The following GFRAL variants were observed in gnomAD, a reference collection of about 807,000 sequenced individuals.
GFRAL encodes the protein GDNF family receptor alpha like, also known as GDNF family receptor alpha-like.
Under a neutral mutation model 45.4 loss-of-function variants are expected in GFRAL, and 36 were observed. The ratio of observed to expected loss-of-function variants is 0.79; its 90% confidence interval spans 0.61 to 1.05. The LOEUF (loss-of-function observed/expected upper bound fraction) is 1.05. Ranked by LOEUF, GFRAL falls within the 50% of genes least tolerant of loss-of-function variation. The pLI, the probability that GFRAL is intolerant of heterozygous loss-of-function variation, is 0.00. For synonymous variants in GFRAL, 166 were observed against 154.1 expected, an observed-to-expected ratio of 1.08 and a Z score of -0.57; for missense variants, 507 against 467.5, an observed-to-expected ratio of 1.08 and a Z score of -0.78.
chr6:55,401,875 A>AT lies in GFRAL; in HGVS notation c.*23dup, dbSNP rs780545657. 5.1e-4 allele frequency: 650 copies of AT among 1,277,434 alleles called. 2 individuals are homozygous for AT. Among genetic ancestry groups the AT allele is most frequent in the Admixed American group, 7.2e-4 (42 of 58,244 alleles). The allele number at this position is 1,277,434 out of a possible 1,614,324, so 79.1% of individuals were successfully genotyped here. A position where few individuals can be genotyped will look rare whatever the true frequency, so the allele number is the denominator to read the frequency against. On this transcript the variant is annotated 3_prime_UTR_variant, in exon 9 of 9. Transcript: ENST00000340465. ...CTGATTCATTAGGAGTCATGGACCT[A>AT]TAACAATCACTCTTTTCTCTGCTTT...
intron 3 of GFRAL, among the ~76,000 whole-genome samples, chr6:55,341,582 GC>G (rs1767966063): frequency 6.6e-6 from 1 of 152,152 alleles, no homozygotes; most frequent in East Asian, 1.9e-4. Flanking sequence ...AAAAAACAGA[GC>G]AGAAAAGCTG....
chr6:55,356,264 A>G (rs1768193330), intron 5 of GFRAL, among the ~76,000 whole-genome samples: 1 of 151,714 alleles, frequency 6.6e-6, no homozygotes, highest in South Asian at 2.1e-4. Flanking sequence ...TCCCTCCTCT[A>G]TTGTTGGAAA....
At chr6:55,337,457 C>G (rs548268482) in intron 3 of GFRAL, among the ~76,000 whole-genome samples, 123 of 152,270 alleles carry the variant, frequency 8.1e-4, no homozygotes, top group African/African-American at 2.6e-3. Context: ...CTTCAATATT[C>G]TGGAAAAGCA....
At chr6:55,339,811 T>G (rs139421442) in intron 3 of GFRAL, among the ~76,000 whole-genome samples, 409 of 152,352 alleles carry the variant, frequency 2.7e-3, no homozygotes, top group South Asian at 8.5e-3. Flanking sequence ...CTGAACTTAA[T>G]AGCCTAAATT....
intron 3 of GFRAL, among the ~76,000 whole-genome samples, chr6:55,349,653 C>T (rs543017898): frequency 6.6e-6 from 1 of 152,082 alleles, no homozygotes; most frequent in South Asian, 2.1e-4. Context: ...ATAAGATAAT[C>T]AGAGGTGAAA....
At position 55,351,326 on chromosome 6, in the gene GFRAL, G is replaced by T. The variant is rs764891737; in HGVS notation, c.444G>T (p.Leu148Phe). ...GGGATGTGGTCTGTAATGCACAGTT[G>T]GCCTCTTACCTTAAAGCTTGCTCAG... Reference protein sequence around the residue: ...CVGDVVCNAQLASYLKACSAN... With the variant: ...CVGDVVCNAQFASYLKACSAN... The change falls in exon 5 of 9, where the codon TTG becomes TTT. Residue 148 changes from leucine to phenylalanine, a missense_variant. Leu to Phe is a conservative substitution (Grantham distance 22). Transcript: ENST00000340465. The T allele has an allele frequency of 6.2e-7, 1 of 1,613,460 alleles. No individual in the cohort carries two copies. The highest frequency in any genetic ancestry group is 2.2e-5 in the East Asian group (1 of 44,848).
At chr6:55,369,804 G>A (rs983117003) in intron 6 of GFRAL, among the ~76,000 whole-genome samples, 2 of 152,098 alleles carry the variant, frequency 1.3e-5, no homozygotes, top group Non-Finnish European at 2.9e-5. Context: ...ACTTGTTGGA[G>A]ATATTCTGTT....
At position 55,400,196 on chromosome 6, in the gene GFRAL, A is replaced by G. The variant is rs533981242; in HGVS notation, c.1121+755A>G. 2.1e-4 allele frequency among the ~76,000 whole-genome samples: 32 copies of G among 152,290 alleles called. No individual in the cohort carries two copies. The South Asian group carries it at 6.4e-3, about 31-fold the overall frequency. ...AAACATCAATCATGTTCATTTGCTT[A>G]TTCTTTACACATATGGGTACATGTC... On this transcript the variant is annotated intron_variant, in intron 8 of 8. Coordinates refer to ENST00000340465, the MANE Select transcript of GFRAL (RefSeq NM_207410.2).
chr6:55,366,181 G>T (rs925460876), intron 6 of GFRAL, among the ~76,000 whole-genome samples: 7 of 151,732 alleles, frequency 4.6e-5, no homozygotes, highest in African/African-American at 1.7e-4. Context: ...GAGTGTATGT[G>T]TCGAGGAATT....
chr6:55,338,950 C>A (rs945267412), intron 3 of GFRAL, among the ~76,000 whole-genome samples: 1 of 152,008 alleles, frequency 6.6e-6, no homozygotes, highest in Non-Finnish European at 1.5e-5. Flanking sequence ...AAAGTTATCA[C>A]AGGCAATAAC....
intron 6 of GFRAL, among the ~76,000 whole-genome samples, chr6:55,377,966 C>A (rs1190460413): frequency 1.3e-5 from 2 of 151,950 alleles, no homozygotes; most frequent in African/African-American, 4.8e-5. Context: ...CTTTGGGGAC[C>A]TTCTAAGATG....
chr6:55,399,626 GA>G (rs1291243745), intron 8 of GFRAL, among the ~76,000 whole-genome samples, 185 bp downstream of exon 8: 2 of 152,080 alleles, frequency 1.3e-5, no homozygotes, highest in Non-Finnish European at 2.9e-5. Flanking sequence ...CCTACATAAG[GA>G]AAATGTGATC....
At chr6:55,397,304 G>C (rs1025398940) in intron 6 of GFRAL, among the ~76,000 whole-genome samples, 1 of 139,162 alleles carries the variant, frequency 7.2e-6, no homozygotes, top group Non-Finnish European at 1.6e-5. Context: ...GGATCATGAG[G>C]TCAGGAGATC....
chr6:55,351,142 C>A, intron 4 of GFRAL, 111 bp from the exon 5 acceptor site: 1 of 748,072 alleles, frequency 1.3e-6, no homozygotes, highest in Non-Finnish European at 2.3e-6. Context: ...AAAAATAGGA[C>A]ATTGGTACAT....
At chr6:55,372,363 CA>C (rs1019689443) in intron 6 of GFRAL, among the ~76,000 whole-genome samples, 2 of 152,138 alleles carry the variant, frequency 1.3e-5, no homozygotes, top group African/African-American at 4.8e-5. Flanking sequence ...TCTAAGATTC[CA>C]ACCCAATTGC....
chr6:55,356,722 T>C (rs1401084993), intron 5 of GFRAL, among the ~76,000 whole-genome samples: 1 of 151,864 alleles, frequency 6.6e-6, no homozygotes, highest in Non-Finnish European at 1.5e-5. Context: ...AAGTTTATTT[T>C]CTACTATTAA....
intron 3 of GFRAL, among the ~76,000 whole-genome samples, chr6:55,340,778 G>A (rs763031930): frequency 3.9e-5 from 6 of 152,174 alleles, no homozygotes; most frequent in Non-Finnish European, 8.8e-5. Context: ...TACTAGCCAA[G>A]GGAAGTGGTG....
At chr6:55,360,698 C>T (rs751871698) in intron 6 of GFRAL, among the ~76,000 whole-genome samples, 6 of 151,930 alleles carry the variant, frequency 3.9e-5, no homozygotes, top group Non-Finnish European at 7.4e-5. Flanking sequence ...ATTTTCCTCT[C>T]TTATTAACAT....
chr6:55,368,621 G>T (rs1253910656), intron 6 of GFRAL, among the ~76,000 whole-genome samples: 1 of 152,000 alleles, frequency 6.6e-6, no homozygotes, highest in South Asian at 2.1e-4. Context: ...TGGGTTTTTG[G>T]TGTGGATGTC....
Sources: gnomAD v4.1 joint callset for allele counts (sites outside exome capture counted in the v4.1 genomes callset) on GRCh38, gnomAD v4.1.1 for gene constraint, MANE v1.5 for transcripts, NCBI Gene and HGNC (gene_info 2026-07-23, HGNC 2026-07-21) for gene names.